The following ENTREP1 variants were observed in gnomAD, a reference collection of about 807,000 sequenced individuals.
ENTREP1 encodes endosomal transmembrane epsin interactor 1, also known as Friedreich ataxia region gene X123.
chr9:69,389,588 A>G, the ENTREP1 span, among the ~76,000 whole-genome samples: 3 of 152,018 alleles, frequency 2.0e-5, no homozygotes, highest in Non-Finnish European at 4.4e-5. Context: ...TAGGGAAAAC[A>G]TTTTACATCC....
the ENTREP1 span, among the ~76,000 whole-genome samples, chr9:69,361,703 C>CT: frequency 1.1e-4 from 17 of 152,202 alleles, no homozygotes; most frequent in Admixed American, 2.6e-4. Flanking sequence ...ATTTCTAATT[C>CT]TTTTTTTAAT....
chr9:69,325,997 G>C, the ENTREP1 span, among the ~76,000 whole-genome samples: 1 of 152,198 alleles, frequency 6.6e-6, no homozygotes. Flanking sequence ...CTCTTTGGGA[G>C]ATTGGAAGGA....
At chr9:69,324,743 TC>T in the ENTREP1 span, 1 of 985,332 alleles carries the variant, frequency 1.0e-6, no homozygotes, top group Non-Finnish European at 1.2e-6. Flanking sequence ...CCTCCAGGCA[TC>T]CCCCTCCTTG....
chr9:69,362,162 A>G, the ENTREP1 span, among the ~76,000 whole-genome samples: 1 of 152,192 alleles, frequency 6.6e-6, no homozygotes, highest in Non-Finnish European at 1.5e-5. Context: ...AGATTGGAGC[A>G]GTGGGGAAGT....
At chr9:69,344,504 C>T in the ENTREP1 span, among the ~76,000 whole-genome samples, 5 of 152,198 alleles carry the variant, frequency 3.3e-5, no homozygotes, top group Admixed American at 6.5e-5. Context: ...TTTGATTTTT[C>T]GCCACCCTGT....
the ENTREP1 span, chr9:69,325,602 T>C: frequency 8.1e-7 from 1 of 1,229,132 alleles, no homozygotes; most frequent in South Asian, 4.1e-5. Flanking sequence ...CGCCCGCTGC[T>C]GTCACTTGGG....
At chr9:69,326,801 C>T in the ENTREP1 span, among the ~76,000 whole-genome samples, 1 of 138,142 alleles carries the variant, frequency 7.2e-6, no homozygotes, top group Non-Finnish European at 1.6e-5. Context: ...TGAGCTCAAG[C>T]GATCCTCCTG....
the ENTREP1 span, chr9:69,388,402 TGAG>T: frequency 2.6e-4 from 424 of 1,613,352 alleles, 4 homozygotes; most frequent in East Asian, 8.8e-3. Context: ...TGAAATCTGA[TGAG>T]GAGCACATGG....
the ENTREP1 span, among the ~76,000 whole-genome samples, chr9:69,349,804 TC>T: frequency 6.6e-6 from 1 of 152,214 alleles, no homozygotes; most frequent in African/African-American, 2.4e-5. Flanking sequence ...GGCAAAGTCA[TC>T]TAACACAAAG....
chr9:69,366,734 T>C, the ENTREP1 span, among the ~76,000 whole-genome samples: 1 of 151,938 alleles, frequency 6.6e-6, no homozygotes, highest in Admixed American at 6.6e-5. Context: ...AAATAGGGGG[T>C]CTAGTTTTTT....
the ENTREP1 span, among the ~76,000 whole-genome samples, chr9:69,384,597 G>A: frequency 6.6e-6 from 1 of 152,184 alleles, no homozygotes; most frequent in Non-Finnish European, 1.5e-5. Context: ...AGCAGCTAAT[G>A]AATTCTGGTT....
chr9:69,333,318 A>AT, the ENTREP1 span, among the ~76,000 whole-genome samples: 15 of 148,472 alleles, frequency 1.0e-4, no homozygotes, highest in South Asian at 2.1e-4. Flanking sequence ...TAATATTATT[A>AT]TTTTTTTTTT....
At chr9:69,334,779 T>C in the ENTREP1 span, among the ~76,000 whole-genome samples, 39 of 139,650 alleles carry the variant, frequency 2.8e-4, no homozygotes, top group Admixed American at 7.0e-4. Context: ...CCTTTTCTTT[T>C]TTTTTTTTTT....
At chr9:69,329,452 A>T in the ENTREP1 span, 1 of 983,884 alleles carries the variant, frequency 1.0e-6, no homozygotes, top group African/African-American at 1.7e-5. Flanking sequence ...CTTTGAAGGT[A>T]TATTTTATCT....
the ENTREP1 span, chr9:69,385,668 T>C: frequency 3.7e-6 from 5 of 1,347,372 alleles, no homozygotes; most frequent in South Asian, 8.0e-5. Context: ...TAAATGTTAT[T>C]AACTGCATTA....
the ENTREP1 span, among the ~76,000 whole-genome samples, chr9:69,357,078 G>C: frequency 8.2e-6 from 1 of 122,022 alleles, no homozygotes; most frequent in East Asian, 2.4e-4. Flanking sequence ...AGGCAACAAA[G>C]TGAGACACCA....
the ENTREP1 span, among the ~76,000 whole-genome samples, chr9:69,346,498 G>C: frequency 6.6e-6 from 1 of 151,842 alleles, no homozygotes; most frequent in Non-Finnish European, 1.5e-5. Flanking sequence ...AGTATCTTTT[G>C]ACCCTCTTTT....
the ENTREP1 span, among the ~76,000 whole-genome samples, chr9:69,384,726 G>A: frequency 6.6e-6 from 1 of 152,102 alleles, no homozygotes; most frequent in Non-Finnish European, 1.5e-5. Context: ...TGTCCACCAG[G>A]ACAAAATCAC....
At chr9:69,377,367 C>A in the ENTREP1 span, 1 of 1,598,940 alleles carries the variant, frequency 6.3e-7, no homozygotes, top group Non-Finnish European at 8.6e-7. Context: ...TTCCTTGCCC[C>A]AGAAAGTCCT....
Sources: allele counts gnomAD v4.1 joint callset (sites outside exome capture counted in the v4.1 genomes callset), GRCh38; gene constraint gnomAD v4.1.1; transcripts MANE v1.5; gene names NCBI Gene and HGNC (gene_info 2026-07-23, HGNC 2026-07-21).